Variants in SLC49A4 observed in about 807,000 individuals in gnomAD.
SLC49A4 encodes solute carrier family 49 member 4, also known as disrupted in renal cancer protein 2.
In SLC49A4, 36 loss-of-function variants were observed where a neutral mutation model predicts 50.6. The ratio of observed to expected loss-of-function variants is 0.71; its 90% CI spans 0.55 to 0.94. The LOEUF is 0.94. SLC49A4 is among the 40% of genes least tolerant of loss of function. The probability of loss-of-function intolerance (pLI) is 0.00; values close to 1 mark genes in which losing one functional copy is unlikely to be tolerated. For missense variants in SLC49A4, 503 were observed against 605.7 expected (o/e 0.83, Z 1.78); for synonymous variants, 248 against 241.2 (o/e 1.03, Z -0.26).
In SLC49A4 at chr3:122,811,071, A is replaced by G. The variant is rs570684410; in HGVS notation, c.437+4121A>G. On this transcript the variant is annotated intron_variant, in intron 2 of 8. Coordinates refer to ENST00000261038, the MANE Select transcript of SLC49A4 (RefSeq NM_032839.3). The stretch of plus-strand genomic sequence containing the variant: ...AAGCCATAAAAGAAAGCCTTGATAT[A>G]TTTGACTATGTAAAAATTTAGATTA... 8.5e-5 allele frequency among the ~76,000 whole-genome samples: 13 copies of G among 152,374 alleles called. No individual in the cohort carries two copies. The East Asian group carries it at 1.5e-3, about 18-fold the overall frequency.
At chr3:122,866,284 C>T (rs898771955) in intron 7 of SLC49A4, among the ~76,000 whole-genome samples, 13 of 145,128 alleles carry the variant, frequency 9.0e-5, no homozygotes, top group Non-Finnish European at 4.5e-5. Flanking sequence ...TTAAGCGATT[C>T]GCCCACCTTG....
Position 122,872,492 on chromosome 3 carries a change from G to A in SLC49A4, c.1216G>A (p.Glu406Lys). 1 of 1,613,768 alleles carries A rather than the reference G, an allele frequency of 6.2e-7. No homozygotes were observed. The highest frequency in any genetic ancestry group is 8.5e-7 in the Non-Finnish European group (1 of 1,179,738). ...SVPIFFELFVETVYPVPEGIT... is the reference protein window; with the variant it reads ...SVPIFFELFVKTVYPVPEGIT... ...GCCTATATTTTTTGAGCTTTTTGTG[G>A]AAACTGTCTACCCAGTTCCAGAAGG... is the stretch of plus-strand genomic sequence containing the variant. The change falls in exon 8 of 9, where the codon GAA (glutamate) becomes AAA (lysine). Residue 406 changes from glutamate (E) to lysine (K), a missense_variant. Coordinates refer to ENST00000261038, the MANE Select transcript of SLC49A4 (RefSeq NM_032839.3).
chr3:122,866,508 A>G (rs1937122988), intron 7 of SLC49A4, among the ~76,000 whole-genome samples: 1 of 152,118 alleles, frequency 6.6e-6, no homozygotes, highest in South Asian at 2.1e-4. Context: ...TACAACTTAA[A>G]TATCTCCCAC....
At chr3:122,837,724 A>G (rs1936709691) in intron 4 of SLC49A4, among the ~76,000 whole-genome samples, 1 of 151,888 alleles carries the variant, frequency 6.6e-6, no homozygotes. Flanking sequence ...ATCTAATTAA[A>G]CTAAAGAGCT....
chr3:122,839,639 G>T (rs1936740492), intron 4 of SLC49A4, among the ~76,000 whole-genome samples: 1 of 152,058 alleles, frequency 6.6e-6, no homozygotes, highest in East Asian at 1.9e-4. Context: ...AGGAAAAAAT[G>T]CTCAACATCA....
At chr3:122,803,566 A>G (rs1305363402) in intron 1 of SLC49A4, among the ~76,000 whole-genome samples, 2 of 152,232 alleles carry the variant, frequency 1.3e-5, no homozygotes, top group Non-Finnish European at 2.9e-5. Flanking sequence ...TGTGAGGGTT[A>G]TGAGCAGGGA....
intron 4 of SLC49A4, among the ~76,000 whole-genome samples, chr3:122,839,296 GATA>G (rs1234905241): frequency 6.6e-6 from 1 of 152,126 alleles, no homozygotes; most frequent in Non-Finnish European, 1.5e-5. Context: ...AATTCTAGAA[GATA>G]ATGTTGGAGA....
At chr3:122,845,148 G>A (rs1351181930) in intron 4 of SLC49A4, among the ~76,000 whole-genome samples, 1 of 152,028 alleles carries the variant, frequency 6.6e-6, no homozygotes, top group Non-Finnish European at 1.5e-5. Context: ...CCCAGTGTCT[G>A]TTTTTCCCTT....
chr3:122,801,976 G>A (rs1452891153), intron 1 of SLC49A4, among the ~76,000 whole-genome samples: 1 of 152,040 alleles, frequency 6.6e-6, no homozygotes, highest in African/African-American at 2.4e-5. Context: ...TTATCCTTCT[G>A]TCTTAATTAA....
Position 122,795,866 on chromosome 3 carries a change from A to G in SLC49A4, c.343+331A>G, listed in dbSNP as rs545762823. 1.4e-4 allele frequency among the ~76,000 whole-genome samples: 22 copies of G among 152,368 alleles called. No homozygotes were observed. The South Asian group carries it at 3.1e-3, about 22-fold the overall frequency. On this transcript the variant is annotated intron_variant, in intron 1 of 8. Coordinates refer to ENST00000261038, the MANE Select transcript of SLC49A4 (RefSeq NM_032839.3). ...GCGGTGTATGTGTTTTACACCTGAC[A>G]AAAATGACTGATGCTTTGACTTCAA...
At chr3:122,824,566 CTTCTTTCTTTCTCT>C (rs879474149) in intron 2 of SLC49A4, among the ~76,000 whole-genome samples, 23 of 151,890 alleles carry the variant, frequency 1.5e-4, no homozygotes, top group Non-Finnish European at 2.6e-4. Context: ...CTTCTCTTCT[CTTCTTTCTTTCTCT>C]TTCTTTCTTT....
chr3:122,844,325 G>A (rs1426818257), intron 4 of SLC49A4, among the ~76,000 whole-genome samples: 2 of 151,970 alleles, frequency 1.3e-5, no homozygotes, highest in Non-Finnish European at 2.9e-5. Context: ...CTCCTACCTT[G>A]GTCTCCCAAA....
intron 1 of SLC49A4, 68 bp from the exon 2 acceptor site, chr3:122,806,789 A>T (rs1033483572): frequency 4.4e-5 from 43 of 982,830 alleles, no homozygotes; most frequent in Non-Finnish European, 6.9e-5. Context: ...GACTAAAAAT[A>T]ATCTTTATTT....
At chr3:122,816,675 C>T (rs1247416228) in intron 2 of SLC49A4, among the ~76,000 whole-genome samples, 1 of 152,202 alleles carries the variant, frequency 6.6e-6, no homozygotes, top group Non-Finnish European at 1.5e-5. Context: ...GGGCAGGTAG[C>T]AGTTCTGATC....
At chr3:122,855,613 T>A (rs1274464559) in intron 5 of SLC49A4, among the ~76,000 whole-genome samples, 2 of 152,076 alleles carry the variant, frequency 1.3e-5, no homozygotes, top group Non-Finnish European at 2.9e-5. Context: ...TGAAAAAATG[T>A]GGCCACACAA....
At chr3:122,866,714 T>G (rs1937126144) in intron 7 of SLC49A4, among the ~76,000 whole-genome samples, 1 of 151,104 alleles carries the variant, frequency 6.6e-6, no homozygotes, top group Non-Finnish European at 1.5e-5. Flanking sequence ...CATCCCCCCC[T>G]GCCCCCGACC....
chr3:122,851,427 C>T (rs1936923484), intron 5 of SLC49A4, among the ~76,000 whole-genome samples: 1 of 151,918 alleles, frequency 6.6e-6, no homozygotes, highest in Non-Finnish European at 1.5e-5. Context: ...TGTTGCTGGG[C>T]ATAGAATTAT....
At chr3:122,838,613 G>A (rs1287149411) in intron 4 of SLC49A4, among the ~76,000 whole-genome samples, 2 of 151,356 alleles carry the variant, frequency 1.3e-5, no homozygotes, top group Non-Finnish European at 2.9e-5. Flanking sequence ...GCTAAATGAC[G>A]AGTTAATGGG....
chr3:122,867,959 C>T (rs1937140399), intron 7 of SLC49A4, among the ~76,000 whole-genome samples: 2 of 151,992 alleles, frequency 1.3e-5, no homozygotes, highest in South Asian at 2.1e-4. Context: ...AGTAAGAATA[C>T]AAAAAATTAG....
Sources: gnomAD v4.1 joint callset for allele counts (sites outside exome capture counted in the v4.1 genomes callset) on GRCh38, gnomAD v4.1.1 for gene constraint, MANE v1.5 for transcripts, NCBI Gene and HGNC (gene_info 2026-07-23, HGNC 2026-07-21) for gene names.